Variants in IKBKG observed in about 807,000 individuals in gnomAD.
IKBKG encodes the protein NF-kappa-B essential modulator.
In IKBKG, 2 loss-of-function variants were observed where a neutral mutation model predicts 13.7. The ratio of observed to expected loss-of-function variants is 0.15; its 90% CI spans 0.06 to 0.46. The LOEUF (loss-of-function observed/expected upper bound fraction) is 0.46. Among genes scored for constraint, IKBKG ranks in the 20% least tolerant of loss-of-function variants. IKBKG has a pLI of 0.98. For synonymous variants in IKBKG, 22 were observed against 64.4 expected (o/e 0.34, Z 3.15); for missense variants, 53 against 150.3 (o/e 0.35, Z 3.39).
At chrX:154,546,409 G>C (rs893437876), upstream of IKBKG, among the ~76,000 whole-genome samples, 1 of 112,137 alleles carries the variant, frequency 8.9e-6, no homozygotes, top group South Asian at 3.7e-4. Context: ...TCAAAGCATT[G>C]GTGTATTCCG....
At chrX:154,544,274 G>A (rs1163091033), upstream of IKBKG, among the ~76,000 whole-genome samples, 1 of 110,922 alleles carries the variant, frequency 9.0e-6, no homozygotes, top group Non-Finnish European at 1.9e-5. Context: ...CGATTCTACT[G>A]CCTCAGCCTA....
intron 1 of IKBKG, 160 bp downstream of exon 1, chrX:154,547,905 A>C (rs2070797805): frequency 1.7e-5 from 13 of 754,760 alleles, no homozygotes; most frequent in Non-Finnish European, 2.0e-5. Flanking sequence ...TTCAGGACCC[A>C]GGTTACTTGG....
At chrX:154,547,544 A>C (rs2070780038), upstream of IKBKG, 1 of 753,892 alleles carries the variant, frequency 1.3e-6, no homozygotes, top group Non-Finnish European at 1.6e-6. Context: ...CCGCGGCCTC[A>C]CACTTCTCGC....
chrX:154,547,682 G>T lies in IKBKG; in HGVS notation c.-79G>T. The T allele has an allele frequency of 1.3e-6, 1 of 755,133 alleles. No individual in the cohort carries two copies. The highest frequency in any genetic ancestry group is 1.6e-6 in the Non-Finnish European group (1 of 639,480). 62.2% of individuals were successfully genotyped at this position (755,133 alleles called of 1,213,427 possible). On this transcript the variant is annotated 5_prime_UTR_variant, in exon 1 of 10. Transcript: ENST00000594239. ...ACTGGGACTTTCTCGGAGCGCCGGG[G>T]CCCTACCAGCGTTCACAGTCCGCCG...
At chrX:154,563,324 C>T (rs1461325923) in intron 7 of IKBKG, among the ~76,000 whole-genome samples, 3 of 10,446 alleles carry the variant, frequency 2.9e-4, no homozygotes, top group Non-Finnish European at 4.7e-4. Flanking sequence ...CCACCGCACC[C>T]GGCCTCTTTG....
chrX:154,548,219 G>A (rs2070812606), intron 1 of IKBKG: 3 of 493,588 alleles, frequency 6.1e-6, no homozygotes, highest in Non-Finnish European at 7.5e-6. Context: ...GGTCACTATA[G>A]CTGGAGCAGA....
At chrX:154,545,874 G>T (rs112921384), upstream of IKBKG, 3 of 562,053 alleles carry the variant, frequency 5.3e-6, no homozygotes, top group Non-Finnish European at 8.7e-6. Flanking sequence ...AAGTGCATAT[G>T]CACACCAGGT....
chrX:154,554,001 G>A (rs782113721), intron 2 of IKBKG, among the ~76,000 whole-genome samples: 46 of 112,213 alleles, frequency 4.1e-4, no homozygotes, highest in Non-Finnish European at 7.5e-4. Context: ...AGCTTCCCTC[G>A]GGCTCCAGGG....
upstream of IKBKG, chrX:154,546,732 G>A: frequency 1.0e-6 from 1 of 959,126 alleles, no homozygotes; most frequent in Non-Finnish European, 1.4e-6. Context: ...ACCGCCGCGC[G>A]GCGCAGCGCG....
At chrX:154,542,462 T>C (rs781801725), upstream of IKBKG, 4 of 1,168,364 alleles carry the variant, frequency 3.4e-6, no homozygotes, top group Non-Finnish European at 4.6e-6. Flanking sequence ...AGTAAGTACC[T>C]CGGCTCCCTT....
chrX:154,544,358 C>T (rs1397469777), upstream of IKBKG, among the ~76,000 whole-genome samples: 2 of 110,755 alleles, frequency 1.8e-5, no homozygotes. Flanking sequence ...GATGGGGTTT[C>T]ACCATGTTGG....
chrX:154,549,790 T>C (rs1557234615), intron 1 of IKBKG, among the ~76,000 whole-genome samples: 2 of 112,370 alleles, frequency 1.8e-5, no homozygotes, highest in African/African-American at 6.5e-5. Flanking sequence ...TTTATGTCTC[T>C]GTGGATTTGC....
upstream of IKBKG, chrX:154,542,417 C>A (rs1212996288): frequency 8.4e-7 from 1 of 1,197,514 alleles, no homozygotes; most frequent in Non-Finnish European, 1.1e-6. Context: ...CAGGCGCACA[C>A]TAGTCTACAA....
intron 2 of IKBKG, among the ~76,000 whole-genome samples, chrX:154,553,431 A>G (rs782604015): frequency 8.9e-6 from 1 of 112,748 alleles, no homozygotes; most frequent in African/African-American, 3.2e-5. Context: ...GACAAGACCC[A>G]TGCCTGCGAT....
intron 2 of IKBKG, among the ~76,000 whole-genome samples, chrX:154,555,170 C>CT (rs1276902517): frequency 8.9e-6 from 1 of 112,007 alleles, no homozygotes; most frequent in African/African-American, 3.2e-5. Flanking sequence ...CAGATGAGGA[C>CT]TTTGAGGCTC....
intron 1 of IKBKG, chrX:154,547,951 C>T (rs1160556029): frequency 2.9e-5 from 22 of 753,723 alleles, no homozygotes; most frequent in East Asian, 1.5e-4. Flanking sequence ...CTCCCTCCTC[C>T]TCCACTGCGG....
At chrX:154,546,731 C>T, upstream of IKBKG, 2 of 957,719 alleles carry the variant, frequency 2.1e-6, no homozygotes, top group South Asian at 2.1e-5. Flanking sequence ...TACCGCCGCG[C>T]GGCGCAGCGC....
chrX:154,550,905 C>T (rs1557234864), intron 1 of IKBKG, among the ~76,000 whole-genome samples: 1 of 109,913 alleles, frequency 9.1e-6, no homozygotes, highest in African/African-American at 3.3e-5. Flanking sequence ...TCCTGCCTCC[C>T]GGGTTCACGC....
upstream of IKBKG, among the ~76,000 whole-genome samples, chrX:154,543,270 G>C (rs1233543410): frequency 8.9e-6 from 1 of 112,724 alleles, no homozygotes; most frequent in Non-Finnish European, 1.9e-5. Context: ...GAACAGAGGA[G>C]AGCAAAGGGG....
Sources: gnomAD v4.1 joint callset for allele counts (sites outside exome capture counted in the v4.1 genomes callset) on GRCh38, gnomAD v4.1.1 for gene constraint, MANE v1.5 for transcripts, NCBI Gene and HGNC (gene_info 2026-07-23, HGNC 2026-07-21) for gene names.